MOCOS: variants seen among roughly 807,000 people sequenced by gnomAD.
MOCOS encodes the protein human molybdenum cofactor sulfurase.
MOCOS carries 86 observed loss-of-function variants against 83.6 expected under a neutral mutation model. The ratio of observed to expected loss-of-function variants is 1.03; its 90% CI spans 0.86 to 1.23. The LOEUF (loss-of-function observed/expected upper bound fraction) is 1.23, where lower values mean the gene tolerates loss of function less well. Ranked by LOEUF, MOCOS falls within the 50% of genes most tolerant of loss-of-function variation. The pLI is 0.00. For missense variants in MOCOS, 1,120 were observed against 1,126.9 expected (o/e 0.99, Z 0.09); for synonymous variants, 445 against 434.7 (o/e 1.02, Z -0.29).
rs1273086474 is a variant in MOCOS, at chr18:36,222,389, CACTT to C, written c.1960+2180_1960+2183del. 9.2e-5 allele frequency among the ~76,000 whole-genome samples: 14 copies of C among 152,290 alleles called. No homozygotes were observed. The East Asian group carries it at 2.7e-3, about 29-fold the overall frequency. ...TCAAGTTTTTCCACATTCTCGACAA[CACTT>C]ACTTACTGTCTTTTGTTTGTTTTCT... On this transcript the variant is annotated intron_variant, in intron 9 of 14. Transcript: ENST00000261326.
rs547401631 is a variant in MOCOS at position 36,216,360 on chromosome 18, T to C, written c.1797+383T>C. ...TTTATAGATATGGAGCCTGAGGGTT[T>C]TGAGGTTAAGCACTTTGCCCAGGTG... On this transcript the variant is annotated intron_variant, in intron 8 of 14. Coordinates refer to ENST00000261326, the MANE Select transcript of MOCOS (RefSeq NM_017947.4). Among the ~76,000 whole-genome samples, 10 of 152,308 alleles carry C rather than the reference T, an allele frequency of 6.6e-5. No individual in the cohort carries two copies. The East Asian group carries it at 1.7e-3, about 26-fold the overall frequency.
At chr18:36,258,205 A>G (rs600416) in intron 12 of MOCOS, among the ~76,000 whole-genome samples, 129,276 of 152,062 alleles carry the variant, frequency 0.85, 55,024 homozygotes, top group Admixed American at 0.9. Context: ...AGGAGGGGCC[A>G]CGTTCCCCAC....
At chr18:36,204,630 T>G (rs1022195064) in intron 5 of MOCOS, among the ~76,000 whole-genome samples, 3 of 152,142 alleles carry the variant, frequency 2.0e-5, no homozygotes, top group Non-Finnish European at 4.4e-5. Context: ...CATCCACTAT[T>G]TACACACATT....
intron 12 of MOCOS, among the ~76,000 whole-genome samples, chr18:36,257,538 A>C (rs986283013): frequency 6.6e-6 from 1 of 152,130 alleles, no homozygotes; most frequent in East Asian, 1.9e-4. Context: ...AAGATGCACC[A>C]CAGATGGAAT....
chr18:36,268,915 C>T lies in MOCOS; in HGVS notation c.*230C>T, dbSNP rs185028927. The T allele has an allele frequency of 1.6e-5, 9 of 563,868 alleles. No homozygotes were observed. In the Admixed American group the frequency reaches 2.2e-4, roughly 14 times the overall value. 34.9% of individuals were successfully genotyped at this position (563,868 alleles called of 1,614,324 possible). A position where few individuals can be genotyped will look rare whatever the true frequency, so the allele number is the denominator to read the frequency against. On this transcript the variant is annotated 3_prime_UTR_variant, in exon 15 of 15. Transcript: ENST00000261326. ...GCCTCAGGAACGAATGCTGCACCCA[C>T]ATCCAGTGAGGCTCCTGTAGGTATT...
intron 13 of MOCOS, among the ~76,000 whole-genome samples, chr18:36,261,051 T>G (rs919435306): frequency 1.3e-5 from 2 of 152,084 alleles, no homozygotes; most frequent in Admixed American, 6.6e-5. Context: ...GCTGTACCTC[T>G]ATGGCCTTGA....
Position 36,220,073 on chromosome 18 carries a change from G to A in MOCOS, c.1816G>A (p.Gly606Arg). Residue 606 changes from glycine (G) to arginine (R), a missense_variant, in exon 9 of 15, where the codon GGA (glycine) becomes AGA (arginine). Transcript: ENST00000261326. ...TGTTTAGGTGACCAGGTGGCCTGTA[G>A]GAAACCAAGGGCTGCTATATGACCG... is the stretch of plus-strand genomic sequence containing the variant. ...AAFEVTRWPVGNQGLLYDRSW... is the reference protein window; with the variant it reads ...AAFEVTRWPVRNQGLLYDRSW... 6.2e-7 allele frequency: 1 copy of A among 1,613,230 alleles called. No homozygotes were observed. Among genetic ancestry groups the A allele is most frequent in the Non-Finnish European group, 8.5e-7 (1 of 1,180,018 alleles).
Position 36,205,129 on chromosome 18 carries a change from C to T in MOCOS, c.1071C>T (p.Tyr357=), listed in dbSNP as rs768181608. The change falls in exon 6 of 15, where the codon TAC becomes TAT. Residue 357 remains tyrosine (Y), a synonymous_variant. Coordinates refer to ENST00000261326, the MANE Select transcript of MOCOS (RefSeq NM_017947.4). The stretch of plus-strand genomic sequence containing the variant: ...CCTTCACCTTGGCTCAGTATACCTA[C>T]GTGGCCCTGTCCTCTCTCCAGTACC... ...QHTFTLAQYT[Y]VALSSLQYPN... The T allele has an allele frequency of 2.5e-6, 4 of 1,612,698 alleles. No individual in the cohort carries two copies. The Admixed American group carries it at 5.0e-5, about 20-fold the overall frequency.
At chr18:36,219,979 G>C (rs1287097363) in intron 8 of MOCOS, 76 bp from the exon 9 acceptor site, 2 of 1,562,298 alleles carry the variant, frequency 1.3e-6, no homozygotes, top group Non-Finnish European at 1.8e-6. Context: ...ATCTGTGTTT[G>C]TGTAGCCACT....
intron 7 of MOCOS, among the ~76,000 whole-genome samples, chr18:36,214,427 A>C (rs1409920902): frequency 6.6e-6 from 1 of 152,060 alleles, no homozygotes; most frequent in South Asian, 2.1e-4. Context: ...TACGGCCTCC[A>C]AGCTAGAGTT....
At chr18:36,231,306 G>A (rs1031550616) in intron 9 of MOCOS, among the ~76,000 whole-genome samples, 1 of 152,088 alleles carries the variant, frequency 6.6e-6, no homozygotes. Context: ...TACATTGCTG[G>A]GTTTGGTTTG....
At position 36,248,987 on chromosome 18, in the gene MOCOS, G is replaced by T. The variant is rs2091612572; in HGVS notation, c.2026G>T (p.Val676Phe). The change falls in exon 10 of 15, where the codon GTC becomes TTC. Residue 676 changes from valine to phenylalanine, a missense_variant. By Grantham distance (50) the Val-to-Phe change is conservative. Coordinates refer to ENST00000261326, the MANE Select transcript of MOCOS (RefSeq NM_017947.4). ...ACGGACTCAGATTCGCCAAAGCAGG[G>T]TCTGTGCTGACAGGTGAGACTCTGA... ...SERTQIRQSR[V>F]CADRVSTYDC... 1 of 1,614,008 alleles carries T rather than the reference G, an allele frequency of 6.2e-7. No homozygotes were observed. The highest frequency in any genetic ancestry group is 1.3e-5 in the African/African-American group (1 of 74,932).
chr18:36,264,295 G>A (rs2091674009), intron 13 of MOCOS, among the ~76,000 whole-genome samples: 1 of 150,982 alleles, frequency 6.6e-6, no homozygotes, highest in Non-Finnish European at 1.5e-5. Flanking sequence ...TTTTACAGAA[G>A]TTGTTGCCTG....
At chr18:36,221,728 G>T (rs866217970) in intron 9 of MOCOS, among the ~76,000 whole-genome samples, 46 of 132,664 alleles carry the variant, frequency 3.5e-4, no homozygotes, top group African/African-American at 5.6e-4. Flanking sequence ...ATATCCCATT[G>T]TTTTTTTTTT....
intron 9 of MOCOS, among the ~76,000 whole-genome samples, chr18:36,235,974 G>T (rs71365621): frequency 0.098 from 14,696 of 150,386 alleles, 825 homozygotes; most frequent in Non-Finnish European, 0.13. Flanking sequence ...TTTTTGATGG[G>T]GTTGTTTGTT....
intron 8 of MOCOS, among the ~76,000 whole-genome samples, 171 bp downstream of exon 8, chr18:36,216,148 T>C (rs113136468): frequency 1.3e-5 from 2 of 152,194 alleles, no homozygotes; most frequent in African/African-American, 4.8e-5. Flanking sequence ...TGAACATGAC[T>C]GCTCACGGGG....
chr18:36,199,727 T>G lies in MOCOS; in HGVS notation c.344T>G (p.Ile115Ser), dbSNP rs1291500392. 1 of 1,613,970 alleles carries G rather than the reference T, an allele frequency of 6.2e-7. No individual in the cohort carries two copies. Among genetic ancestry groups the G allele is most frequent in the Non-Finnish European group, 8.5e-7 (1 of 1,180,032 alleles). ...FHTTAEDYTV[I>S]FTAGSTAALK... ...ACCACCGCAGAAGACTACACTGTGA[T>G]CTTCACTGCCGGGAGCACGGCTGCT... is the stretch of plus-strand genomic sequence containing the variant. Residue 115 changes from isoleucine (I) to serine (S), a missense_variant, in exon 4 of 15, where the codon ATC (isoleucine) becomes AGC (serine). Physicochemically the swap from Ile to Ser is moderately radical, Grantham distance 142 (BLOSUM62 -2). Transcript: ENST00000261326.
At position 36,256,986 on chromosome 18, in the gene MOCOS, T is replaced by C. The variant is rs1430323401; in HGVS notation, c.2183T>C (p.Met728Thr). 1.9e-6 allele frequency: 3 copies of C among 1,614,008 alleles called. No individual in the cohort carries two copies. The highest frequency in any genetic ancestry group is 2.5e-6 in the Non-Finnish European group (3 of 1,179,966). The change falls in exon 12 of 15, where the codon ATG becomes ACG. Residue 728 changes from methionine to threonine, a missense_variant. Met to Thr is a moderately conservative substitution (Grantham distance 81, BLOSUM62 -1). Coordinates refer to ENST00000261326, the MANE Select transcript of MOCOS (RefSeq NM_017947.4). ...KHGKDQLPGT[M>T]ATLSLVNEAQ... ...TTTTCAGATCAACTTCCTGGTACAATGGCCACCCTTTCTCTGGTGAATGAG... is the reference window on the plus strand; with the variant it reads ...TTTTCAGATCAACTTCCTGGTACAACGGCCACCCTTTCTCTGGTGAATGAG...
intron 6 of MOCOS, among the ~76,000 whole-genome samples, chr18:36,207,957 A>C (rs147214241): frequency 6.6e-6 from 1 of 152,030 alleles, no homozygotes; most frequent in East Asian, 1.9e-4. Flanking sequence ...ATCTGTCTTG[A>C]GTTTATTTTT....
Sources: allele counts gnomAD v4.1 joint callset (sites outside exome capture counted in the v4.1 genomes callset), GRCh38; gene constraint gnomAD v4.1.1; transcripts MANE v1.5; gene names NCBI Gene and HGNC (gene_info 2026-07-23, HGNC 2026-07-21).